Variants in CDS2 observed in about 807,000 individuals in gnomAD.
The protein encoded by CDS2 is CDP-diacylglycerol synthase 2, also known as phosphatidate cytidylyltransferase 2.
Under a neutral mutation model 59.0 loss-of-function variants are expected in CDS2, and 47 were observed. The observed-to-expected ratio is 0.80, with a 90% confidence interval of 0.63 to 1.02. The LOEUF is 1.02. Among genes scored for constraint, CDS2 ranks in the 50% least tolerant of loss-of-function variants. The probability of loss-of-function intolerance (pLI) is 0.00; values close to 1 mark genes in which losing one functional copy is unlikely to be tolerated. For synonymous variants in CDS2, 207 were observed against 206.4 expected (o/e 1.00, Z -0.02); for missense variants, 356 against 558.9 (o/e 0.64, Z 3.66).
At chr20:5,148,221 A>C (rs181902278) in intron 1 of CDS2, among the ~76,000 whole-genome samples, 2 of 152,320 alleles carry the variant, frequency 1.3e-5, no homozygotes, top group East Asian at 3.9e-4. Context: ...TAGATGCTGC[A>C]AAATGACTTG....
chr20:5,173,573 G>A lies in CDS2; in HGVS notation c.108G>A (p.Glu36=). The change falls in exon 2 of 13, where the codon GAG becomes GAA. Residue 36 remains glutamate, a synonymous_variant. Transcript: ENST00000460006. ...KVDGETASDS[E]SRAESAPLPV... ...ATGGAGAGACTGCATCGGACAGTGA[G>A]AGCCGGGCAGAATCCGCACCCCTGC... The A allele has an allele frequency of 1.2e-6, 2 of 1,614,244 alleles. No individual in the cohort carries two copies. The highest frequency in any genetic ancestry group is 1.7e-6 in the Non-Finnish European group (2 of 1,180,042).
chr20:5,129,083 G>A (rs1045527311), intron 1 of CDS2, among the ~76,000 whole-genome samples: 10 of 152,090 alleles, frequency 6.6e-5, no homozygotes, highest in African/African-American at 2.2e-4. Flanking sequence ...CCAGCTAGAG[G>A]TGCACTTATA....
At chr20:5,172,135 TAGTA>T (rs2123037822) in intron 1 of CDS2, among the ~76,000 whole-genome samples, 2 of 152,302 alleles carry the variant, frequency 1.3e-5, no homozygotes, top group East Asian at 3.9e-4. Context: ...TTCCATCCAT[TAGTA>T]AGTGTTTTGC....
Position 5,185,546 on chromosome 20 carries a change from A to G in CDS2, c.760-212A>G, listed in dbSNP as rs2091061287. On this transcript the variant is annotated intron_variant, in intron 8 of 12. Coordinates refer to ENST00000460006, the MANE Select transcript of CDS2 (RefSeq NM_003818.4). ...TTAGTATATCGTTTTCTAATATAAA[A>G]CTATTCGAATGACTGATTGAAACAG... Among the ~76,000 whole-genome samples, 1 of 152,222 alleles carries G rather than the reference A, an allele frequency of 6.6e-6. No individual in the cohort carries two copies. The highest frequency in any genetic ancestry group is 1.9e-4 in the East Asian group (1 of 5,200).
intron 1 of CDS2, among the ~76,000 whole-genome samples, chr20:5,166,509 A>G (rs1403948285): frequency 6.6e-6 from 1 of 151,864 alleles, no homozygotes; most frequent in Middle Eastern, 3.4e-3. Flanking sequence ...GAATGGGGAA[A>G]CTCAGGGAGA....
In CDS2 at chr20:5,173,372, G is replaced by A. The variant is rs1354705337; in HGVS notation, c.58-151G>A. The stretch of plus-strand genomic sequence containing the variant: ...ATGTCACAACAGTGTCAGGATTGCT[G>A]CTAGTCCTGTCAGTCCCATCACCTG... On this transcript the variant is annotated intron_variant, in intron 1 of 12. Coordinates refer to ENST00000460006, the MANE Select transcript of CDS2 (RefSeq NM_003818.4). 3 of 799,718 alleles carry A rather than the reference G, an allele frequency of 3.8e-6. No homozygotes were observed. The African/African-American group carries it at 5.2e-5, about 14-fold the overall frequency. 49.5% of individuals were successfully genotyped at this position (799,718 alleles called of 1,614,324 possible). A position where few individuals can be genotyped will look rare whatever the true frequency, so the allele number is the denominator to read the frequency against.
intron 1 of CDS2, among the ~76,000 whole-genome samples, chr20:5,158,698 A>T (rs1317324177): frequency 6.6e-6 from 1 of 152,192 alleles, no homozygotes; most frequent in Non-Finnish European, 1.5e-5. Context: ...TTCTGGTTGG[A>T]GTGACAGAAT....
At position 5,184,641 on chromosome 20, in the gene CDS2, A is replaced by C. The variant is rs1240145670; in HGVS notation, c.672-217A>C. On this transcript the variant is annotated intron_variant, in intron 7 of 12. Transcript: ENST00000460006. This position sits in a 1 kb window ranked among gnomAD's most constrained non-coding sequence, Gnocchi z 4.3. ...ACCTTTTAGTTTGCAACCTCCACTT[A>C]TTCAGTAGTCATTCAGTAAACACTT... 6.6e-6 allele frequency among the ~76,000 whole-genome samples: 1 copy of C among 152,174 alleles called. No homozygotes were observed. The highest frequency in any genetic ancestry group is 1.5e-5 in the Non-Finnish European group (1 of 68,034).
In CDS2 at chr20:5,186,752, C is replaced by T; in HGVS notation, c.894C>T (p.Asn298=). The T allele has an allele frequency of 1.9e-6, 3 of 1,614,104 alleles. No individual in the cohort carries two copies. Among genetic ancestry groups the T allele is most frequent in the Non-Finnish European group, 1.7e-6 (2 of 1,179,972 alleles). ...CTGTGGAGTACAACAATGACACCAA[C>T]AGCTTCACTGTGGACTGTGAGCCCT... ...VCPVEYNNDT[N]SFTVDCEPSD... The change falls in exon 10 of 13, where the codon AAC becomes AAT. Residue 298 remains asparagine, a synonymous_variant. Coordinates refer to ENST00000460006, the MANE Select transcript of CDS2 (RefSeq NM_003818.4).
chr20:5,152,777 A>G (rs148307582), intron 1 of CDS2, among the ~76,000 whole-genome samples: 1 of 152,316 alleles, frequency 6.6e-6, no homozygotes, highest in African/African-American at 2.4e-5. Flanking sequence ...ATTAGTCTCT[A>G]GGCAGAAACT....
Position 5,150,062 on chromosome 20 carries a change from A to G in CDS2, c.57+22913A>G, listed in dbSNP as rs563217530. The stretch of plus-strand genomic sequence containing the variant: ...CTTTTGACATTGAAATCTTTCATCC[A>G]TCTGGAATATCTTTTAATGGGGTGT... On this transcript the variant is annotated intron_variant, in intron 1 of 12. Coordinates refer to ENST00000460006, the MANE Select transcript of CDS2 (RefSeq NM_003818.4). 2.6e-5 allele frequency among the ~76,000 whole-genome samples: 4 copies of G among 152,254 alleles called. No individual in the cohort carries two copies. The East Asian group carries it at 7.7e-4, about 29-fold the overall frequency.
Position 5,127,049 on chromosome 20 carries a change from G to C in CDS2, c.-44G>C. The C allele has an allele frequency of 2.7e-6, 4 of 1,478,824 alleles. No individual in the cohort carries two copies. The highest frequency in any genetic ancestry group is 3.6e-6 in the Non-Finnish European group (4 of 1,112,706). The allele number at this position is 1,478,824 out of a possible 1,614,324, so 91.6% of individuals were successfully genotyped here. ...CCGCGCCGAGCTGCCTGCTCCGGCG[G>C]CTTCGCTGCTAGCTCGCGGCGACGT... On this transcript the variant is annotated 5_prime_UTR_variant, in exon 1 of 13. Coordinates refer to ENST00000460006, the MANE Select transcript of CDS2 (RefSeq NM_003818.4).
intron 5 of CDS2, 89 bp downstream of exon 5, chr20:5,179,045 A>G: frequency 2.3e-6 from 3 of 1,313,098 alleles, no homozygotes; most frequent in Non-Finnish European, 3.3e-6. Context: ...TGGTTAGTAT[A>G]CAGTTTTGTG....
chr20:5,183,014 T>A (rs779973488), intron 6 of CDS2, 47 bp from the exon 7 acceptor site: 1 of 1,505,640 alleles, frequency 6.6e-7, no homozygotes, highest in Admixed American at 1.7e-5. Context: ...TTGAAGTTAC[T>A]TTCAAGGTAA....
At chr20:5,182,205 G>A (rs905974612) in intron 5 of CDS2, among the ~76,000 whole-genome samples, 182 bp from the exon 6 acceptor site, 46 of 152,170 alleles carry the variant, frequency 3.0e-4, no homozygotes, top group African/African-American at 1.1e-3. Flanking sequence ...TGTTTGGGAG[G>A]AGTTATTTTT....
chr20:5,127,024 C>T lies in CDS2; in HGVS notation c.-69C>T. On this transcript the variant is annotated 5_prime_UTR_variant, in exon 1 of 13. Transcript: ENST00000460006. ...GCCGGCCGTGGGAGTCCGCGCGTGC[C>T]CGCGCCGAGCTGCCTGCTCCGGCGG... The T allele has an allele frequency of 7.0e-7, 1 of 1,419,866 alleles. No individual in the cohort carries two copies. Among genetic ancestry groups the T allele is most frequent in the Non-Finnish European group, 9.3e-7 (1 of 1,072,442 alleles). The allele number at this position is 1,419,866 out of a possible 1,614,324, so 88.0% of individuals were successfully genotyped here.
chr20:5,156,863 C>G (rs2090837351), intron 1 of CDS2, among the ~76,000 whole-genome samples: 1 of 152,142 alleles, frequency 6.6e-6, no homozygotes, highest in South Asian at 2.1e-4. Flanking sequence ...AAAGGTCATG[C>G]CTTCCTCCTG....
chr20:5,170,595 T>C (rs967699783), intron 1 of CDS2, among the ~76,000 whole-genome samples: 3 of 152,214 alleles, frequency 2.0e-5, no homozygotes, highest in African/African-American at 7.2e-5. Context: ...GGATTTGCCG[T>C]TGGCACCTGT....
rs774258554 is a variant in CDS2 at position 5,186,860 on chromosome 20, G to T, written c.981+21G>T. The stretch of plus-strand genomic sequence containing the variant: ...GCTGGGTATGTGCCACTCACAGGGG[G>T]TGAGCGGCCTCCATGGACAGTGGCT... On this transcript the variant is annotated intron_variant, in intron 10 of 12. Coordinates refer to ENST00000460006, the MANE Select transcript of CDS2 (RefSeq NM_003818.4). The T allele has an allele frequency of 4.3e-6, 7 of 1,613,662 alleles. No homozygotes were observed. The South Asian group carries it at 6.6e-5, about 15-fold the overall frequency.
Sources: allele counts gnomAD v4.1 joint callset (sites outside exome capture counted in the v4.1 genomes callset), GRCh38; gene constraint gnomAD v4.1.1; non-coding constraint Gnocchi (gnomAD v3.1); transcripts MANE v1.5; gene names NCBI Gene and HGNC (gene_info 2026-07-23, HGNC 2026-07-21).